GABRR1: variants seen among roughly 807,000 people sequenced by gnomAD.
The protein encoded by GABRR1 is gamma-aminobutyric acid receptor subunit rho-1.
GABRR1 carries 59 observed loss-of-function variants against 55.5 expected under a neutral mutation model. The observed-to-expected ratio is 1.06, with a 90% confidence interval of 0.86 to 1.32. GABRR1 has a LOEUF of 1.32. Ranked by LOEUF, GABRR1 falls within the 40% of genes most tolerant of loss-of-function variation. The pLI is 0.00. For missense variants in GABRR1, 602 were observed against 619.1 expected (o/e 0.97, Z 0.29); for synonymous variants, 213 against 226.0 (o/e 0.94, Z 0.51).
chr6:89,184,520 G>C (rs756088968), intron 7 of GABRR1, among the ~76,000 whole-genome samples: 1 of 152,160 alleles, frequency 6.6e-6, no homozygotes, highest in Non-Finnish European at 1.5e-5. Context: ...ACACTTAGAA[G>C]AGAGTCACCA....
At chr6:89,184,885 C>CTTTCTTTTTTTTTT (rs776768704) in intron 7 of GABRR1, among the ~76,000 whole-genome samples, 3 of 123,720 alleles carry the variant, frequency 2.4e-5, no homozygotes, top group Non-Finnish European at 3.3e-5. Context: ...TCTTTTCTTT[C>CTTTCTTTTTTTTTT]TTTTTTTTTT....
intron 1 of GABRR1, among the ~76,000 whole-genome samples, chr6:89,223,558 G>A (rs928098749): frequency 5.3e-5 from 8 of 152,202 alleles, no homozygotes; most frequent in African/African-American, 1.9e-4. Context: ...CCTCTGGATA[G>A]ATACTCAGTA....
chr6:89,219,967 G>A (rs1051264534), upstream of GABRR1, among the ~76,000 whole-genome samples: 1 of 152,124 alleles, frequency 6.6e-6, no homozygotes, highest in African/African-American at 2.4e-5. Flanking sequence ...TAGAAATAAA[G>A]GCAGAATATG....
At chr6:89,216,626 T>C (rs1638457444) in intron 1 of GABRR1, among the ~76,000 whole-genome samples, 1 of 152,190 alleles carries the variant, frequency 6.6e-6, no homozygotes, top group Non-Finnish European at 1.5e-5. Context: ...CAGGGCACCA[T>C]GCACCTTTGG....
At chr6:89,211,568 T>C (rs947370640) in intron 1 of GABRR1, among the ~76,000 whole-genome samples, 5 of 152,160 alleles carry the variant, frequency 3.3e-5, no homozygotes, top group Non-Finnish European at 5.9e-5. Context: ...CTCTACCTAG[T>C]TGATTTTGAC....
intron 1 of GABRR1, among the ~76,000 whole-genome samples, chr6:89,211,031 G>A (rs1357601411): frequency 6.6e-6 from 1 of 152,130 alleles, no homozygotes; most frequent in Non-Finnish European, 1.5e-5. Context: ...ATGGTGTTGT[G>A]AGCATGGGAG....
intron 6 of GABRR1, among the ~76,000 whole-genome samples, chr6:89,187,318 T>G (rs543119878): frequency 6.6e-6 from 1 of 152,294 alleles, no homozygotes; most frequent in South Asian, 2.1e-4. Context: ...TCTTAAGTGT[T>G]GTATTTATGA....
At chr6:89,202,278 C>T (rs528990700) in intron 2 of GABRR1, among the ~76,000 whole-genome samples, 84 of 151,586 alleles carry the variant, frequency 5.5e-4, no homozygotes, top group African/African-American at 1.8e-3. Flanking sequence ...ACAGGTGTTT[C>T]GTTTTTTTGT....
At chr6:89,196,660 C>T (rs117590945) in intron 5 of GABRR1, among the ~76,000 whole-genome samples, 2 of 151,904 alleles carry the variant, frequency 1.3e-5, no homozygotes, top group African/African-American at 2.4e-5. Flanking sequence ...GCCTTTGGTC[C>T]CAGCCACTTG....
At chr6:89,179,641 T>C (rs1771655087) in intron 9 of GABRR1, among the ~76,000 whole-genome samples, 1 of 152,248 alleles carries the variant, frequency 6.6e-6, no homozygotes, top group South Asian at 2.1e-4. Context: ...CATGAGATCA[T>C]AAGCTGTTAT....
At chr6:89,219,003 C>A (rs138548423), upstream of GABRR1, among the ~76,000 whole-genome samples, 1 of 152,176 alleles carries the variant, frequency 6.6e-6, no homozygotes, top group African/African-American at 2.4e-5. Context: ...CGGTGGCTCA[C>A]GCCTGTAATC....
chr6:89,187,411 G>T (rs1771939303), intron 6 of GABRR1, among the ~76,000 whole-genome samples: 1 of 152,066 alleles, frequency 6.6e-6, no homozygotes, highest in Non-Finnish European at 1.5e-5. Flanking sequence ...TACATCATTT[G>T]CCATTGTATA....
chr6:89,187,102 G>A (rs1021734907), intron 6 of GABRR1, among the ~76,000 whole-genome samples: 4 of 152,196 alleles, frequency 2.6e-5, no homozygotes, highest in Non-Finnish European at 5.9e-5. Flanking sequence ...GGGAGAAAGT[G>A]TTTGGGCAGG....
intron 1 of GABRR1, among the ~76,000 whole-genome samples, chr6:89,230,871 G>C (rs543609972): frequency 6.7e-6 from 1 of 149,592 alleles, no homozygotes; most frequent in Non-Finnish European, 1.5e-5. Context: ...CCTCGCTGCC[G>C]CCTTGCAGTT....
At chr6:89,230,340 T>G (rs1316659361) in intron 1 of GABRR1, among the ~76,000 whole-genome samples, 244 of 142,598 alleles carry the variant, frequency 1.7e-3, no homozygotes, top group African/African-American at 6.0e-3. Flanking sequence ...AGAGGCGCTC[T>G]GCGTTTTAGA....
intron 1 of GABRR1, among the ~76,000 whole-genome samples, chr6:89,224,158 T>A (rs1034727125): frequency 1.3e-5 from 2 of 152,086 alleles, no homozygotes; most frequent in African/African-American, 2.4e-5. Flanking sequence ...GGCATGATCT[T>A]GGCTCACTCA....
chr6:89,195,234 G>A (rs925243900), intron 5 of GABRR1, among the ~76,000 whole-genome samples: 23 of 152,158 alleles, frequency 1.5e-4, no homozygotes, highest in African/African-American at 5.3e-4. Flanking sequence ...GCTGAGGCAG[G>A]CAGATTGCCT....
rs1419563101 is a variant in GABRR1, at chr6:89,180,530, C to T, written c.950-42G>A. On this transcript the variant is annotated intron_variant, in intron 8 of 9. Coordinates refer to ENST00000454853, the MANE Select transcript of GABRR1 (RefSeq NM_002042.5). ...GAGAAACAAGTGTTTGCTTGTCTTT[C>T]ACCAAACACAGGATGGTTTCATGTC... 3 of 1,600,422 alleles carry T rather than the reference C, an allele frequency of 1.9e-6. No individual in the cohort carries two copies. In the East Asian group the frequency reaches 6.7e-5, roughly 36 times the overall value.
Position 89,203,430 on chromosome 6 carries a change from C to T in GABRR1, c.173+5G>A. The T allele has an allele frequency of 6.2e-7, 1 of 1,612,688 alleles. No individual in the cohort carries two copies. The highest frequency in any genetic ancestry group is 1.3e-5 in the African/African-American group (1 of 75,006). ...AGAACAGTGTGCACGTGCTTATGGC[C>T]ATACCTGACTTGCTTGTGGGCATCT... On this transcript the variant is annotated splice_donor_5th_base_variant and intron_variant, in intron 2 of 9. Coordinates refer to ENST00000454853, the MANE Select transcript of GABRR1 (RefSeq NM_002042.5).
Sources: allele counts gnomAD v4.1 joint callset (sites outside exome capture counted in the v4.1 genomes callset), GRCh38; gene constraint gnomAD v4.1.1; transcripts MANE v1.5; gene names NCBI Gene and HGNC (gene_info 2026-07-23, HGNC 2026-07-21).